PDE4D: variants seen among roughly 807,000 people sequenced by gnomAD.
PDE4D encodes 3',5'-cyclic-AMP phosphodiesterase 4D.
In PDE4D, 24 loss-of-function variants were observed where a neutral mutation model predicts 87.4. That is an observed-to-expected ratio of 0.27 (90% CI 0.20 to 0.39). The LOEUF is 0.39. Among genes scored for constraint, PDE4D ranks in the 10% least tolerant of loss-of-function variants. PDE4D has a pLI of 1.00. For missense variants in PDE4D, 714 were observed against 1,041.0 expected (o/e 0.69, Z 4.32); for synonymous variants, 384 against 383.2 (o/e 1.00, Z -0.02).
intron 1 of PDE4D, among the ~76,000 whole-genome samples, chr5:59,334,357 C>T (rs747692854): frequency 2.1e-5 from 3 of 142,968 alleles, no homozygotes; most frequent in South Asian, 4.6e-4. Flanking sequence ...CTCCTGAGTT[C>T]AAGCAATTTT....
intron 1 of PDE4D, chr5:60,460,606 A>G (rs1746850021): frequency 3.2e-6 from 4 of 1,259,440 alleles, no homozygotes; most frequent in Non-Finnish European, 4.6e-6. Flanking sequence ...AATGCATTCA[A>G]TTGCTTCTTG....
chr5:59,913,937 A>G lies in PDE4D; in HGVS notation c.272+74551T>C, dbSNP rs191464217. On this transcript the variant is annotated intron_variant, in intron 3 of 16. Transcript: ENST00000502484. ...TGTGCACTGCTGTATCCAATACTGA[A>G]AACCATATAATAATAAAAACCATCA... Among the ~76,000 whole-genome samples the G allele has an allele frequency of 8.3e-4, 126 of 152,202 alleles. 1 individual carries two copies. In the South Asian group the frequency reaches 0.011, roughly 14 times the overall value.
intron 1 of PDE4D, among the ~76,000 whole-genome samples, chr5:59,743,874 G>C (rs1759220779): frequency 1.3e-5 from 2 of 152,066 alleles, no homozygotes; most frequent in Non-Finnish European, 2.9e-5. Flanking sequence ...TTAGGACTCA[G>C]TAGAGAGTAC....
chr5:60,044,585 A>G (rs1036984428), intron 2 of PDE4D, among the ~76,000 whole-genome samples: 16 of 151,986 alleles, frequency 1.1e-4, no homozygotes, highest in South Asian at 1.0e-3. Flanking sequence ...TCATTGTTCA[A>G]TTCCCACCTA....
At chr5:58,999,547 TTATATGTATATATATA>T (rs747186685) in intron 6 of PDE4D, 8 of 1,409,850 alleles carry the variant, frequency 5.7e-6, no homozygotes, top group African/African-American at 3.8e-5. Flanking sequence ...TTTTGATTGA[TTATATGTATATATATA>T]TATATGTATA....
chr5:60,023,910 C>G (rs1766354890), intron 2 of PDE4D, among the ~76,000 whole-genome samples: 1 of 152,126 alleles, frequency 6.6e-6, no homozygotes. Flanking sequence ...ACTAATAATT[C>G]CCAACCATAG....
intron 1 of PDE4D, among the ~76,000 whole-genome samples, chr5:60,388,837 A>G (rs940899498): frequency 6.6e-6 from 1 of 152,224 alleles, no homozygotes; most frequent in African/African-American, 2.4e-5. Context: ...GAAAACAAGT[A>G]TCTATATCAT....
intron 5 of PDE4D, among the ~76,000 whole-genome samples, chr5:59,136,462 A>G (rs1169236397): frequency 1.3e-5 from 2 of 152,242 alleles, no homozygotes; most frequent in African/African-American, 2.4e-5. Context: ...TATTAATTGT[A>G]GTAAAAACTG....
intron 2 of PDE4D, among the ~76,000 whole-genome samples, chr5:60,037,933 T>C (rs1467933330): frequency 6.6e-6 from 1 of 152,214 alleles, no homozygotes; most frequent in East Asian, 1.9e-4. Context: ...AAATGAAATA[T>C]TGTCTAAGTG....
intron 1 of PDE4D, among the ~76,000 whole-genome samples, chr5:59,632,033 C>T (rs1831642477): frequency 6.6e-6 from 1 of 152,178 alleles, no homozygotes; most frequent in African/African-American, 2.4e-5. Flanking sequence ...TGAAGTCGAC[C>T]TGGGATGCTC....
chr5:59,502,582 TTAGA>T lies in PDE4D; in HGVS notation c.456-286618_456-286615del, dbSNP rs1808485345. 3.3e-5 allele frequency among the ~76,000 whole-genome samples: 5 copies of T among 151,806 alleles called. No homozygotes were observed. The South Asian group carries it at 8.3e-4, about 25-fold the overall frequency. On this transcript the variant is annotated intron_variant, in intron 1 of 14. Coordinates refer to ENST00000340635, the MANE Select transcript of PDE4D (RefSeq NM_001104631.2). ...CACTTTGGGACAAGATCAAAAAGAC[TTAGA>T]TAATTATTTTAATTCAATTAGGAAA...
intron 3 of PDE4D, among the ~76,000 whole-genome samples, chr5:59,947,938 T>G (rs2916868): frequency 0.51 from 77,913 of 151,906 alleles, 20,757 homozygotes; most frequent in East Asian, 0.87. Context: ...ACCCAAGAGG[T>G]GGAGGTTGCA....
chr5:59,433,148 G>A (rs1436081243), intron 1 of PDE4D, among the ~76,000 whole-genome samples: 1 of 152,036 alleles, frequency 6.6e-6, no homozygotes, highest in Admixed American at 6.6e-5. Flanking sequence ...GCTAATTTAG[G>A]AGATTGCCCA....
chr5:60,118,596 T>TGTGTGTGTG (rs1554162850), intron 2 of PDE4D, among the ~76,000 whole-genome samples: 3 of 150,992 alleles, frequency 2.0e-5, no homozygotes, highest in South Asian at 2.1e-4. Flanking sequence ...TGTGTGTGTG[T>TGTGTGTGTG]TTACTGAGAA....
At chr5:59,431,535 C>T (rs1159899747) in intron 1 of PDE4D, among the ~76,000 whole-genome samples, 1 of 152,114 alleles carries the variant, frequency 6.6e-6, no homozygotes, top group African/African-American at 2.4e-5. Flanking sequence ...TTTTATTCTT[C>T]AGTAGCCAAA....
At position 59,268,914 on chromosome 5, in the gene PDE4D, A is replaced by G. The variant is rs186553839; in HGVS notation, c.456-52946T>C. Among the ~76,000 whole-genome samples, 9 of 152,150 alleles carry G rather than the reference A, an allele frequency of 5.9e-5. No individual in the cohort carries two copies. The East Asian group carries it at 1.7e-3, about 29-fold the overall frequency. On this transcript the variant is annotated intron_variant, in intron 1 of 14. Transcript: ENST00000340635. ...AATCTTGCTAGTAATGGTTGGGTGGATCCATGACTAACCATTCGTATACTC... is the reference window on the plus strand; with the variant it reads ...AATCTTGCTAGTAATGGTTGGGTGGGTCCATGACTAACCATTCGTATACTC...
chr5:59,682,998 C>G (rs1383948301), intron 1 of PDE4D, among the ~76,000 whole-genome samples: 2 of 152,140 alleles, frequency 1.3e-5, no homozygotes, highest in African/African-American at 4.8e-5. Flanking sequence ...ATTGGCTACA[C>G]AGAACATTAT....
At chr5:59,974,413 A>T (rs1048325852) in intron 3 of PDE4D, among the ~76,000 whole-genome samples, 4 of 152,324 alleles carry the variant, frequency 2.6e-5, no homozygotes, top group East Asian at 1.9e-4. Context: ...CATATTTTTT[A>T]AAAAATCAGA....
intron 2 of PDE4D, among the ~76,000 whole-genome samples, chr5:59,992,227 G>C (rs1206567140): frequency 1.3e-5 from 2 of 152,162 alleles, no homozygotes; most frequent in Non-Finnish European, 2.9e-5. Flanking sequence ...TGAGTGTGAT[G>C]AGAATTATAG....
Sources: gnomAD v4.1 joint callset for allele counts (sites outside exome capture counted in the v4.1 genomes callset) on GRCh38, gnomAD v4.1.1 for gene constraint, MANE v1.5 for transcripts, NCBI Gene and HGNC (gene_info 2026-07-23, HGNC 2026-07-21) for gene names.